Variants in FHIT observed in about 807,000 individuals in gnomAD.
FHIT encodes the protein fragile histidine triad diadenosine triphosphatase.
In FHIT, 19 loss-of-function variants were observed where a neutral mutation model predicts 17.9. The observed-to-expected ratio is 1.06, with a 90% confidence interval of 0.74 to 1.56. The LOEUF is 1.56. FHIT is among the 40% of genes most tolerant of loss of function. The pLI is 0.00. For missense variants in FHIT, 248 were observed against 189.2 expected, an observed-to-expected ratio of 1.31 and a Z score of -1.82; for synonymous variants, 81 against 69.7, an observed-to-expected ratio of 1.16 and a Z score of -0.81.
intron 5 of FHIT, among the ~76,000 whole-genome samples, chr3:60,163,654 C>T (rs977461399): frequency 6.6e-6 from 1 of 152,176 alleles, no homozygotes; most frequent in African/African-American, 2.4e-5. Flanking sequence ...CTATGGTTTA[C>T]AGCAGAGTTT....
At chr3:60,675,318 C>A (rs1156952567) in intron 4 of FHIT, among the ~76,000 whole-genome samples, 1 of 152,156 alleles carries the variant, frequency 6.6e-6, no homozygotes, top group East Asian at 1.9e-4. Flanking sequence ...CTACCACCTG[C>A]TACTAAATGA....
chr3:60,155,488 A>G (rs1049020910), intron 5 of FHIT, among the ~76,000 whole-genome samples: 9 of 152,106 alleles, frequency 5.9e-5, no homozygotes, highest in East Asian at 1.9e-4. Flanking sequence ...TCCTTCCCCA[A>G]TTCTGACAAT....
intron 3 of FHIT, among the ~76,000 whole-genome samples, chr3:60,966,563 G>A (rs1280258945): frequency 6.6e-6 from 1 of 152,170 alleles, no homozygotes; most frequent in Non-Finnish European, 1.5e-5. Flanking sequence ...AGCCATCTTG[G>A]AACCTCCTCC....
intron 8 of FHIT, among the ~76,000 whole-genome samples, chr3:59,865,862 G>A (rs1388212103): frequency 6.6e-6 from 1 of 152,176 alleles, no homozygotes; most frequent in Admixed American, 6.5e-5. Flanking sequence ...GTGAGAGCCT[G>A]AGGTTCGGCA....
chr3:60,868,092 A>T (rs573471371), intron 3 of FHIT, among the ~76,000 whole-genome samples: 1 of 152,314 alleles, frequency 6.6e-6, no homozygotes, highest in South Asian at 2.1e-4. Flanking sequence ...AAATAAAAAC[A>T]TAAGAAGGTT....
At chr3:61,194,282 G>A (rs2038795166) in intron 2 of FHIT, among the ~76,000 whole-genome samples, 1 of 152,096 alleles carries the variant, frequency 6.6e-6, no homozygotes, top group African/African-American at 2.4e-5. Context: ...CTTGCTTAAG[G>A]GGAGGAAGAG....
chr3:59,931,498 G>A (rs1264962657), intron 7 of FHIT, among the ~76,000 whole-genome samples: 1 of 152,116 alleles, frequency 6.6e-6, no homozygotes, highest in African/African-American at 2.4e-5. Context: ...AAAATGCACA[G>A]GCACACTGAT....
chr3:60,536,715 C>G (rs1201246347), intron 5 of FHIT, 145 bp downstream of exon 5: 2 of 751,576 alleles, frequency 2.7e-6, no homozygotes, highest in Non-Finnish European at 4.0e-6. Flanking sequence ...AACATCTTAC[C>G]TGGTGTCTCC....
At chr3:59,905,859 G>C (rs965281265) in intron 8 of FHIT, among the ~76,000 whole-genome samples, 6 of 152,106 alleles carry the variant, frequency 3.9e-5, no homozygotes, top group African/African-American at 1.4e-4. Flanking sequence ...ATACTTGAAT[G>C]ATATTATATA....
intron 3 of FHIT, among the ~76,000 whole-genome samples, chr3:60,862,849 C>G (rs182849549): frequency 2.0e-4 from 25 of 127,698 alleles, no homozygotes; most frequent in African/African-American, 7.9e-4. Context: ...GAAACTCCCT[C>G]TCAAAAAAAA....
intron 3 of FHIT, among the ~76,000 whole-genome samples, chr3:60,854,945 G>C (rs1248976818): frequency 6.6e-6 from 1 of 152,122 alleles, no homozygotes; most frequent in Non-Finnish European, 1.5e-5. Context: ...AGCAGACATG[G>C]CTAAGTGCCT....
intron 5 of FHIT, among the ~76,000 whole-genome samples, chr3:60,505,036 A>G (rs1360879367): frequency 6.6e-6 from 1 of 152,170 alleles, no homozygotes; most frequent in Non-Finnish European, 1.5e-5. Context: ...TATCACCCCA[A>G]AAGTTTTGTC....
At chr3:61,192,462 A>T (rs1486537645) in intron 2 of FHIT, among the ~76,000 whole-genome samples, 2 of 152,176 alleles carry the variant, frequency 1.3e-5, no homozygotes, top group African/African-American at 4.8e-5. Context: ...TTGCAGTTAG[A>T]TTCCAGACAT....
chr3:59,824,496 C>T (rs1359328468), intron 8 of FHIT, among the ~76,000 whole-genome samples: 1 of 152,166 alleles, frequency 6.6e-6, no homozygotes, highest in African/African-American at 2.4e-5. Context: ...TTTGAGTATC[C>T]AGAGGAACTA....
chr3:60,468,128 T>C (rs185020689), intron 5 of FHIT, among the ~76,000 whole-genome samples: 2 of 152,244 alleles, frequency 1.3e-5, no homozygotes, highest in East Asian at 3.9e-4. Context: ...TTTTGGTTTC[T>C]ATTTTCATGC....
In FHIT at chr3:60,991,942, T is replaced by A. The variant is rs76894060; in HGVS notation, c.-111+50105A>T. Among the ~76,000 whole-genome samples the A allele has an allele frequency of 2.5e-3, 374 of 152,290 alleles. 1 individual carries two copies. The highest frequency in any genetic ancestry group is 8.5e-3 in the African/African-American group (352 of 41,550). ...TTTCCATCAGCATAGAGCATCTCTG[T>A]GCTCCAGGCCCTTGGACAAATGTCA... On this transcript the variant is annotated intron_variant, in intron 3 of 9. Transcript: ENST00000492590.
At chr3:60,474,725 G>C (rs2033260290) in intron 5 of FHIT, among the ~76,000 whole-genome samples, 1 of 151,882 alleles carries the variant, frequency 6.6e-6, no homozygotes, top group Non-Finnish European at 1.5e-5. Context: ...CCGGGTTCAA[G>C]AGATTCTCCT....
At chr3:60,278,732 T>A (rs1003605245) in intron 5 of FHIT, among the ~76,000 whole-genome samples, 2 of 146,606 alleles carry the variant, frequency 1.4e-5, no homozygotes, top group African/African-American at 5.0e-5. Flanking sequence ...AAAAAAAAAA[T>A]TCTTAGTTCC....
chr3:59,856,100 A>C (rs747348125), intron 8 of FHIT, among the ~76,000 whole-genome samples: 1 of 152,240 alleles, frequency 6.6e-6, no homozygotes, highest in East Asian at 1.9e-4. Context: ...ACCTTTGACA[A>C]TATCGATTAA....
Sources: gnomAD v4.1 joint callset for allele counts (sites outside exome capture counted in the v4.1 genomes callset) on GRCh38, gnomAD v4.1.1 for gene constraint, MANE v1.5 for transcripts, NCBI Gene and HGNC (gene_info 2026-07-23, HGNC 2026-07-21) for gene names.